The following NRG3 variants were observed in gnomAD, a reference collection of about 807,000 sequenced individuals.
NRG3 encodes the protein neuregulin 3.
A neutral mutation model predicts 66.9 loss-of-function variants in NRG3; 31 were observed. That is an observed-to-expected ratio of 0.46 (90% CI 0.35 to 0.63). The LOEUF is 0.63. Among genes scored for constraint, NRG3 ranks in the 20% least tolerant of loss-of-function variants. The pLI is 0.00. For synonymous variants in NRG3, 393 were observed against 359.4 expected, an observed-to-expected ratio of 1.09 and a Z score of -1.06; for missense variants, 910 against 878.9, an observed-to-expected ratio of 1.04 and a Z score of -0.45.
intron 2 of NRG3, among the ~76,000 whole-genome samples, chr10:82,702,332 T>C (rs567446760): frequency 1.3e-5 from 2 of 152,188 alleles, no homozygotes; most frequent in Non-Finnish European, 2.9e-5. Context: ...ACAAATTGTT[T>C]ATAAATTTTA....
intron 1 of NRG3, among the ~76,000 whole-genome samples, chr10:81,940,446 A>G (rs970956987): frequency 1.3e-5 from 2 of 152,076 alleles, no homozygotes; most frequent in Non-Finnish European, 2.9e-5. Context: ...GCTAGGCTCA[A>G]ACTATCCTCC....
At chr10:82,553,669 C>G (rs1232428612) in intron 2 of NRG3, among the ~76,000 whole-genome samples, 1 of 152,050 alleles carries the variant, frequency 6.6e-6, no homozygotes, top group Non-Finnish European at 1.5e-5. Flanking sequence ...ATGCTGGGAG[C>G]TGGTGCTCGG....
chr10:82,133,905 T>C (rs1023335749), intron 1 of NRG3, among the ~76,000 whole-genome samples: 1 of 152,214 alleles, frequency 6.6e-6, no homozygotes, highest in African/African-American at 2.4e-5. Context: ...TTCCCTTTTC[T>C]CTGCAACCTC....
chr10:82,654,895 C>T (rs555921358), intron 2 of NRG3, among the ~76,000 whole-genome samples: 10 of 151,870 alleles, frequency 6.6e-5, no homozygotes, highest in African/African-American at 1.7e-4. Flanking sequence ...AAGTGTTATA[C>T]GTATCTCCCA....
intron 1 of NRG3, among the ~76,000 whole-genome samples, chr10:81,914,038 C>A (rs550926302): frequency 1.2e-4 from 19 of 152,308 alleles, no homozygotes; most frequent in African/African-American, 3.6e-4. Context: ...GCTGTAAGGG[C>A]TGTCCTCTGC....
intron 3 of NRG3, among the ~76,000 whole-genome samples, chr10:82,827,561 A>G (rs2062297686): frequency 6.6e-6 from 1 of 152,190 alleles, no homozygotes; most frequent in African/African-American, 2.4e-5. Context: ...TCTGAAGCAA[A>G]GGGTGGACTT....
chr10:82,615,054 AT>A (rs1179473308), intron 2 of NRG3, among the ~76,000 whole-genome samples: 1 of 152,160 alleles, frequency 6.6e-6, no homozygotes, highest in Non-Finnish European at 1.5e-5. Flanking sequence ...GTTAAACAAG[AT>A]TTAGACACCT....
intron 1 of NRG3, among the ~76,000 whole-genome samples, chr10:81,880,271 A>G (rs1842060372): frequency 6.6e-6 from 1 of 152,108 alleles, no homozygotes; most frequent in Admixed American, 6.5e-5. Flanking sequence ...ATGCGGTTTA[A>G]GCATTCCTCC....
At chr10:82,842,941 A>T (rs893135214) in intron 3 of NRG3, among the ~76,000 whole-genome samples, 10 of 152,246 alleles carry the variant, frequency 6.6e-5, no homozygotes, top group African/African-American at 2.4e-4. Context: ...TTTATAAATT[A>T]GGCACAGTAA....
intron 2 of NRG3, among the ~76,000 whole-genome samples, chr10:82,389,100 C>G (rs559173513): frequency 5.9e-5 from 9 of 152,244 alleles, no homozygotes; most frequent in Non-Finnish European, 1.0e-4. Flanking sequence ...TGTGTGCATT[C>G]ACCCCCCTAA....
intron 2 of NRG3, among the ~76,000 whole-genome samples, chr10:82,732,159 G>T (rs1370150773): frequency 6.6e-6 from 1 of 152,056 alleles, no homozygotes; most frequent in Non-Finnish European, 1.5e-5. Context: ...AAAAAGAAAT[G>T]TCATTATCAT....
At chr10:82,002,463 T>C (rs886066469) in intron 1 of NRG3, among the ~76,000 whole-genome samples, 1 of 152,190 alleles carries the variant, frequency 6.6e-6, no homozygotes, top group Non-Finnish European at 1.5e-5. Context: ...TTTTTATTTA[T>C]ATAAAAACAG....
At chr10:82,774,666 TTTC>T (rs1373242091) in intron 3 of NRG3, among the ~76,000 whole-genome samples, 2 of 151,934 alleles carry the variant, frequency 1.3e-5, no homozygotes, top group African/African-American at 4.8e-5. Context: ...TCACTCTTTT[TTTC>T]TTAGTCTAGT....
chr10:82,289,484 G>T (rs967907431), intron 1 of NRG3, among the ~76,000 whole-genome samples: 1 of 149,246 alleles, frequency 6.7e-6, no homozygotes, highest in Non-Finnish European at 1.5e-5. Flanking sequence ...ATTAAAGAAA[G>T]AAATAATAGT....
At chr10:81,878,296 T>G (rs933934045) in intron 1 of NRG3, among the ~76,000 whole-genome samples, 2 of 152,218 alleles carry the variant, frequency 1.3e-5, no homozygotes, top group African/African-American at 4.8e-5. Flanking sequence ...TTTCTCTTTT[T>G]TAAACCTTTA....
intron 2 of NRG3, among the ~76,000 whole-genome samples, chr10:82,557,772 G>A (rs1291606451): frequency 4.6e-5 from 7 of 152,128 alleles, no homozygotes; most frequent in Admixed American, 2.0e-4. Flanking sequence ...CCTGTAATAC[G>A]TGAATTTATT....
At chr10:82,379,657 AG>A (rs1460797439) in intron 2 of NRG3, among the ~76,000 whole-genome samples, 1 of 152,158 alleles carries the variant, frequency 6.6e-6, no homozygotes, top group Non-Finnish European at 1.5e-5. Context: ...AATTTGGGGA[AG>A]AAGGACTCTG....
chr10:81,878,131 A>C, intron 1 of NRG3: 2 of 1,467,464 alleles, frequency 1.4e-6, no homozygotes, highest in East Asian at 2.5e-5. Flanking sequence ...CTCTTCCTAC[A>C]TTCCGTGGAC....
rs559787170 is a variant in NRG3, at chr10:82,435,574, A to G, written c.953+76706A>G. Among the ~76,000 whole-genome samples, 14 of 152,020 alleles carry G rather than the reference A, an allele frequency of 9.2e-5. 1 individual carries two copies. The South Asian group carries it at 2.3e-3, about 25-fold the overall frequency. On this transcript the variant is annotated intron_variant, in intron 2 of 8. Transcript: ENST00000372141. Reference sequence around the variant, plus strand: ...TATGAGATCTTCCTAGCTTTCTAATATGGGCATTTACTGCTATATATTTCC... The same window carrying G: ...TATGAGATCTTCCTAGCTTTCTAATGTGGGCATTTACTGCTATATATTTCC...
Sources: allele counts gnomAD v4.1 joint callset (sites outside exome capture counted in the v4.1 genomes callset), GRCh38; gene constraint gnomAD v4.1.1; transcripts MANE v1.5; gene names NCBI Gene and HGNC (gene_info 2026-07-23, HGNC 2026-07-21).